The following SLC25A48 variants were observed in gnomAD, a reference collection of about 807,000 sequenced individuals.
SLC25A48 encodes solute carrier family 25 member 48.
A neutral mutation model predicts 32.2 loss-of-function variants in SLC25A48; 29 were observed. The ratio of observed to expected loss-of-function variants is 0.90; its 90% CI spans 0.67 to 1.23. SLC25A48 has a LOEUF of 1.23. Among genes scored for constraint, SLC25A48 ranks in the 50% most tolerant of loss-of-function variants. The pLI, the probability that SLC25A48 is intolerant of heterozygous loss-of-function variation, is 0.00. For missense variants in SLC25A48, 399 were observed against 422.7 expected (o/e 0.94, Z 0.49); for synonymous variants, 164 against 172.3 (o/e 0.95, Z 0.38).
chr5:135,878,808 T>G (rs1386965095), intron 6 of SLC25A48, among the ~76,000 whole-genome samples: 1 of 152,202 alleles, frequency 6.6e-6, no homozygotes, highest in Non-Finnish European at 1.5e-5. Context: ...TCATTTACGT[T>G]TGTGTGGGAA....
In SLC25A48 at chr5:135,842,427, G is replaced by A; in HGVS notation, c.58G>A (p.Val20Ile). The A allele has an allele frequency of 1.2e-6, 2 of 1,613,892 alleles. No homozygotes were observed. The highest frequency in any genetic ancestry group is 1.7e-6 in the Non-Finnish European group (2 of 1,179,794). The change falls in exon 2 of 8, where the codon GTC becomes ATC. Residue 20 changes from valine to isoleucine, a missense_variant. Transcript: ENST00000681962. ...AAGWIGGAAS[V>I]IVGHPLDTVK... Reference sequence around the variant, plus strand: ...TTTTTGATCCACAGGTGCAGCCAGTGTCATCGTTGGCCACCCTCTGGACAC... The same window carrying A: ...TTTTTGATCCACAGGTGCAGCCAGTATCATCGTTGGCCACCCTCTGGACAC...
In SLC25A48 at chr5:135,743,783, G is replaced by A. The variant is rs370860795; in HGVS notation, c.-520-68740G>A. 4.6e-5 allele frequency among the ~76,000 whole-genome samples: 7 copies of A among 152,236 alleles called. No homozygotes were observed. In the South Asian group the frequency reaches 1.2e-3, roughly 27 times the overall value. On this transcript the variant is annotated intron_variant, in intron 3 of 10. Transcript: ENST00000646290. ...AAAGGCCTCATGCATCTCCATCGTG[G>A]GATGACTGCCCTCACAAATTGCTCC...
At chr5:135,735,058 G>A (rs1184481354) in intron 3 of SLC25A48, among the ~76,000 whole-genome samples, 1 of 152,166 alleles carries the variant, frequency 6.6e-6, no homozygotes, top group Non-Finnish European at 1.5e-5. Flanking sequence ...GTGGGGTCCC[G>A]CACAGATGGG....
intron 3 of SLC25A48, among the ~76,000 whole-genome samples, chr5:135,788,464 C>A (rs1316997718): frequency 2.2e-5 from 3 of 136,846 alleles, no homozygotes; most frequent in African/African-American, 8.4e-5. Context: ...CCATTATATT[C>A]GTGGGGGGAG....
At chr5:135,758,960 A>G (rs1391410545) in intron 3 of SLC25A48, among the ~76,000 whole-genome samples, 1 of 151,458 alleles carries the variant, frequency 6.6e-6, no homozygotes, top group Non-Finnish European at 1.5e-5. Flanking sequence ...TTTATGCTAT[A>G]AATAATATCA....
intron 3 of SLC25A48, among the ~76,000 whole-genome samples, chr5:135,775,340 A>G (rs1311459243): frequency 1.3e-5 from 2 of 151,484 alleles, no homozygotes; most frequent in Non-Finnish European, 2.9e-5. Context: ...ATATCGTAGA[A>G]TAGGTACACC....
chr5:135,583,271 T>C (rs1043448111), intron 1 of SLC25A48, among the ~76,000 whole-genome samples: 1 of 151,884 alleles, frequency 6.6e-6, no homozygotes, highest in African/African-American at 2.4e-5. Context: ...AGGGCATTTG[T>C]TTTAGAGATG....
rs367680259 is a variant in SLC25A48, at chr5:135,757,912, T to C, written c.-520-54611T>C. ...ATATATTGTGTAGGGTTACACAATG[T>C]TACACTATGATATTAATAAAATATC... On this transcript the variant is annotated intron_variant, in intron 3 of 10. Transcript: ENST00000646290. Among the ~76,000 whole-genome samples, 77 of 150,600 alleles carry C rather than the reference T, an allele frequency of 5.1e-4. No homozygotes were observed. The East Asian group carries it at 0.011, about 22-fold the overall frequency.
rs571879421 is a variant in SLC25A48, at chr5:135,634,111, TC to T, written c.-708-656del. On this transcript the variant is annotated intron_variant, in intron 2 of 10. Transcript: ENST00000646290. ...TATCTCTCACCAGTCCTATTTGCTC[TC>T]CAAAAACAAGGTAAGAAGGCAGGGC... is the stretch of plus-strand genomic sequence containing the variant. Among the ~76,000 whole-genome samples, 274 of 152,286 alleles carry T rather than the reference TC, an allele frequency of 1.8e-3. 1 individual carries two copies. Among genetic ancestry groups the T allele is most frequent in the African/African-American group, 6.3e-3 (262 of 41,550 alleles).
chr5:135,701,282 A>G (rs1048622787), intron 3 of SLC25A48, among the ~76,000 whole-genome samples: 1 of 152,184 alleles, frequency 6.6e-6, no homozygotes, highest in Non-Finnish European at 1.5e-5. Flanking sequence ...CTTCAGTGAC[A>G]TGGCTAGTGA....
chr5:135,763,038 C>T (rs1756102943), intron 3 of SLC25A48, among the ~76,000 whole-genome samples: 2 of 151,738 alleles, frequency 1.3e-5, no homozygotes, highest in South Asian at 2.1e-4. Flanking sequence ...CCTGGAGGGG[C>T]GTGAGGCTGT....
chr5:135,770,675 T>C (rs1453206744), intron 3 of SLC25A48, among the ~76,000 whole-genome samples: 1 of 151,680 alleles, frequency 6.6e-6, no homozygotes, highest in East Asian at 1.9e-4. Flanking sequence ...CGATATTGTT[T>C]CTAATATCCA....
intron 2 of SLC25A48, among the ~76,000 whole-genome samples, chr5:135,844,203 C>T (rs942385980): frequency 2.6e-5 from 4 of 152,322 alleles, no homozygotes; most frequent in African/African-American, 7.2e-5. Flanking sequence ...CACCTCAGCA[C>T]GGGGCTGGGC....
At chr5:135,582,476 C>A (rs907205316) in intron 1 of SLC25A48, among the ~76,000 whole-genome samples, 1 of 152,058 alleles carries the variant, frequency 6.6e-6, no homozygotes, top group African/African-American at 2.4e-5. Context: ...AGGAAAGGGC[C>A]ATTGAGTTAG....
chr5:135,735,718 A>C (rs939405365), intron 3 of SLC25A48, among the ~76,000 whole-genome samples: 1 of 152,124 alleles, frequency 6.6e-6, no homozygotes, highest in Non-Finnish European at 1.5e-5. Flanking sequence ...CAGAGAAAAA[A>C]TTTCCTGTGA....
intron 3 of SLC25A48, among the ~76,000 whole-genome samples, chr5:135,687,417 C>A (rs961697332): frequency 5.3e-5 from 8 of 152,192 alleles, no homozygotes; most frequent in Non-Finnish European, 1.5e-5. Context: ...GTGATCCAGA[C>A]AAATCAGATT....
rs2126905925 is a variant in SLC25A48, at chr5:135,629,741, C to G, written c.-709+365C>G. Among the ~76,000 whole-genome samples the G allele has an allele frequency of 6.6e-6, 1 of 152,278 alleles. No individual in the cohort carries two copies. ...GCTGGGGCATTGATCCTTCAACTCC[C>G]CATCCATCATGGGTGGAGGGTTGCT... On this transcript the variant is annotated intron_variant, in intron 2 of 10. Coordinates refer to the SLC25A48 transcript ENST00000646290. This position sits in a 1 kb window ranked among gnomAD's most constrained non-coding sequence, Gnocchi z 4.8.
At chr5:135,594,899 G>C (rs1406342837) in intron 1 of SLC25A48, among the ~76,000 whole-genome samples, 3 of 152,148 alleles carry the variant, frequency 2.0e-5, no homozygotes, top group Non-Finnish European at 4.4e-5. Flanking sequence ...CAATGATCAT[G>C]ATGCATATTT....
intron 3 of SLC25A48, among the ~76,000 whole-genome samples, chr5:135,666,708 G>T (rs1328549039): frequency 6.6e-6 from 1 of 151,798 alleles, no homozygotes; most frequent in Admixed American, 6.6e-5. Flanking sequence ...TTTAGGGGAA[G>T]GAAACCTTGT....
Sources: allele counts gnomAD v4.1 joint callset (sites outside exome capture counted in the v4.1 genomes callset), GRCh38; gene constraint gnomAD v4.1.1; non-coding constraint Gnocchi (gnomAD v3.1); transcripts MANE v1.5; gene names NCBI Gene and HGNC (gene_info 2026-07-23, HGNC 2026-07-21).